Variants in DNAH11 observed in about 807,000 individuals in gnomAD.
DNAH11 encodes the protein dynein axonemal heavy chain 11.
In DNAH11, 442 loss-of-function variants were observed where a neutral mutation model predicts 526.0. The ratio of observed to expected loss-of-function variants is 0.84; its 90% CI spans 0.78 to 0.91. DNAH11 has a LOEUF of 0.91. Among genes scored for constraint, DNAH11 ranks in the 40% least tolerant of loss-of-function variants. The probability of loss-of-function intolerance (pLI) is 0.00; values close to 1 mark genes in which losing one functional copy is unlikely to be tolerated. For synonymous variants in DNAH11, 2,461 were observed against 1,935.9 expected, an observed-to-expected ratio of 1.27 and a Z score of -7.12; for missense variants, 6,989 against 5,448.7, an observed-to-expected ratio of 1.28 and a Z score of -8.90.
At chr7:21,726,689 A>G (rs1412956082) in intron 45 of DNAH11, among the ~76,000 whole-genome samples, 28 of 150,364 alleles carry the variant, frequency 1.9e-4, no homozygotes, top group Non-Finnish European at 3.0e-4. Context: ...GTGAAACCCC[A>G]TCTCTACTAA....
At chr7:21,689,749 CTG>C (rs1783530970) in intron 34 of DNAH11, among the ~76,000 whole-genome samples, 1 of 152,242 alleles carries the variant, frequency 6.6e-6, no homozygotes, top group African/African-American at 2.4e-5. Context: ...GTCCTAAACA[CTG>C]TGGTTTCTTT....
At chr7:21,697,346 C>T (rs1364457167) in intron 35 of DNAH11, among the ~76,000 whole-genome samples, 1 of 152,020 alleles carries the variant, frequency 6.6e-6, no homozygotes, top group Admixed American at 6.6e-5. Context: ...AAAAGTCTAT[C>T]CCAGTTGGTC....
At chr7:21,676,969 ACT>A (rs1554333755) in intron 30 of DNAH11, among the ~76,000 whole-genome samples, 1 of 152,148 alleles carries the variant, frequency 6.6e-6, no homozygotes, top group Non-Finnish European at 1.5e-5. Flanking sequence ...GAGCACCCAC[ACT>A]CTGACAGTTC....
intron 66 of DNAH11, among the ~76,000 whole-genome samples, chr7:21,847,897 G>A (rs1378129254): frequency 6.6e-6 from 1 of 152,112 alleles, no homozygotes; most frequent in East Asian, 1.9e-4. Context: ...CGGGTGCAGT[G>A]GCTCACGCCT....
In DNAH11 at chr7:21,854,164, T is replaced by C. The variant is rs981038775; in HGVS notation, c.11062-151T>C. Reference sequence around the variant, plus strand: ...TTATTTTAAAATATGAATGTAATCATTTTAGAAAAGCTCGAGCACATGGAT... The same window carrying C: ...TTATTTTAAAATATGAATGTAATCACTTTAGAAAAGCTCGAGCACATGGAT... On this transcript the variant is annotated intron_variant, in intron 67 of 81. Transcript: ENST00000409508. 6 of 722,648 alleles carry C rather than the reference T, an allele frequency of 8.3e-6. No homozygotes were observed. In the Admixed American group the frequency reaches 1.1e-4, roughly 13 times the overall value. 44.8% of individuals were successfully genotyped at this position (722,648 alleles called of 1,614,324 possible). A position where few individuals can be genotyped will look rare whatever the true frequency, so the allele number is the denominator to read the frequency against.
At position 21,745,080 on chromosome 7, in the gene DNAH11, C is replaced by G. The variant is rs374586159; in HGVS notation, c.8510+17C>G. 2 of 1,590,342 alleles carry G rather than the reference C, an allele frequency of 1.3e-6. No homozygotes were observed. The highest frequency in any genetic ancestry group is 1.7e-6 in the Non-Finnish European group (2 of 1,167,598). On this transcript the variant is annotated intron_variant, in intron 51 of 81. Transcript: ENST00000409508. ...GCAACATGTGTGAGTTAACTAGTCA[C>G]GATGCTTTTCCACAAAAGGAAGAAT...
intron 51 of DNAH11, 33 bp from the exon 52 acceptor site, chr7:21,748,547 T>G (rs756106953): frequency 6.9e-7 from 1 of 1,445,080 alleles, no homozygotes; most frequent in Non-Finnish European, 9.1e-7. Flanking sequence ...GCATTTTCGA[T>G]TTTGTGCCAT....
chr7:21,775,629 A>G lies in DNAH11; in HGVS notation c.9336+1630A>G, dbSNP rs1275319843. On this transcript the variant is annotated intron_variant, in intron 56 of 81. Transcript: ENST00000409508. ...AGACCCTGTCTCAAAAAAAAAAAAC[A>G]AGTCTGTCTTTCCTGTCTCTTTTTA... Among the ~76,000 whole-genome samples the G allele has an allele frequency of 2.7e-5, 4 of 148,632 alleles. No individual in the cohort carries two copies. In the East Asian group the frequency reaches 7.8e-4, roughly 29 times the overall value.
intron 28 of DNAH11, among the ~76,000 whole-genome samples, chr7:21,644,638 G>A (rs62447804): frequency 0.011 from 1,698 of 152,310 alleles, 17 homozygotes; most frequent in Non-Finnish European, 0.015. Context: ...CAGAAAAGGG[G>A]TCATGGTTTT....
chr7:21,619,850 AT>A, intron 24 of DNAH11, 105 bp from the exon 25 acceptor site: 3 of 1,063,102 alleles, frequency 2.8e-6, no homozygotes, highest in Non-Finnish European at 4.1e-6. Flanking sequence ...AATACTTGAT[AT>A]CAGTTTGCAT....
Position 21,638,691 on chromosome 7 carries a change from GGTGT to G in DNAH11, c.4818-209_4818-206del, listed in dbSNP as rs56257528. On this transcript the variant is annotated intron_variant, in intron 27 of 81. Coordinates refer to ENST00000409508, the MANE Select transcript of DNAH11 (RefSeq NM_001277115.2). Reference sequence around the variant, plus strand: ...ATTCATATTTAGCCACAGCTAATGGGGTGTGTGTGTGTGTGTGTGTGTGTGTGTG... The same window carrying G: ...ATTCATATTTAGCCACAGCTAATGGGGTGTGTGTGTGTGTGTGTGTGTGTG... Among the ~76,000 whole-genome samples, 48,615 of 143,798 alleles carry G rather than the reference GGTGT, an allele frequency of 0.34. 8,214 individuals carry two copies. Among genetic ancestry groups the G allele is most frequent in the East Asian group, 0.49 (2,385 of 4,916 alleles). 94.3% of individuals were successfully genotyped at this position (143,798 alleles called of 152,430 possible).
intron 74 of DNAH11, among the ~76,000 whole-genome samples, chr7:21,878,749 C>G (rs986809206): frequency 1.4e-4 from 21 of 152,162 alleles, no homozygotes; most frequent in African/African-American, 4.8e-4. Flanking sequence ...GAAAAGCTCT[C>G]TGATCCTGAC....
chr7:21,636,586 T>TG (rs1484897923), intron 26 of DNAH11, among the ~76,000 whole-genome samples: 7 of 152,000 alleles, frequency 4.6e-5, no homozygotes, highest in African/African-American at 1.7e-4. Flanking sequence ...AAATTTTTAA[T>TG]AATTGGCTAG....
intron 28 of DNAH11, among the ~76,000 whole-genome samples, chr7:21,653,988 C>G (rs1328852783): frequency 6.6e-6 from 1 of 152,162 alleles, no homozygotes; most frequent in Non-Finnish European, 1.5e-5. Flanking sequence ...AACTGCACTT[C>G]CAGAAAAGTT....
intron 2 of DNAH11, among the ~76,000 whole-genome samples, chr7:21,557,822 G>T (rs1783280833): frequency 1.3e-5 from 2 of 152,140 alleles, no homozygotes; most frequent in Admixed American, 1.3e-4. Context: ...AATCATGGCA[G>T]TTCTTATCTT....
chr7:21,766,763 A>T (rs921920550), intron 55 of DNAH11, among the ~76,000 whole-genome samples: 1 of 151,412 alleles, frequency 6.6e-6, no homozygotes, highest in African/African-American at 2.4e-5. Flanking sequence ...GTATTCACCA[A>T]CACCTACAGA....
intron 79 of DNAH11, among the ~76,000 whole-genome samples, chr7:21,896,256 A>G (rs1313319062): frequency 2.0e-5 from 3 of 152,266 alleles, no homozygotes; most frequent in East Asian, 3.9e-4. Context: ...TTATCAGAGT[A>G]TAAAATATAG....
chr7:21,632,716 G>T (rs1291603265), intron 25 of DNAH11, among the ~76,000 whole-genome samples: 1 of 152,094 alleles, frequency 6.6e-6, no homozygotes, highest in Non-Finnish European at 1.5e-5. Flanking sequence ...CAGCATTTGG[G>T]TCAAAGCCAT....
In DNAH11 at chr7:21,807,908, T is replaced by G; in HGVS notation, c.10191T>G (p.Ile3397Met). Residue 3397 changes from isoleucine to methionine, a missense_variant, in exon 63 of 82, where the codon ATT becomes ATG. Transcript: ENST00000409508. ...EAKKIRWGQSIKSFEAQEKTL... is the reference protein window; with the variant it reads ...EAKKIRWGQSMKSFEAQEKTL... ...AGAAGATTCGCTGGGGTCAATCCAT[T>G]AAGTCCTTTGAAGCTCAAGAGAAGA... 1 of 1,605,716 alleles carries G rather than the reference T, an allele frequency of 6.2e-7. No homozygotes were observed. The highest frequency in any genetic ancestry group is 1.1e-5 in the South Asian group (1 of 90,352).
Sources: gnomAD v4.1 joint callset for allele counts (sites outside exome capture counted in the v4.1 genomes callset) on GRCh38, gnomAD v4.1.1 for gene constraint, MANE v1.5 for transcripts, NCBI Gene and HGNC (gene_info 2026-07-23, HGNC 2026-07-21) for gene names.